Variants in SMAD1 observed in about 807,000 individuals in gnomAD.
The protein encoded by SMAD1 is SMAD family member 1, also known as MAD, mothers against decapentaplegic homolog 1.
A neutral mutation model predicts 41.6 loss-of-function variants in SMAD1; 6 were observed. The ratio of observed to expected loss-of-function variants is 0.14; its 90% CI spans 0.08 to 0.28. SMAD1 has a LOEUF of 0.28. Among genes scored for constraint, SMAD1 ranks in the 10% least tolerant of loss-of-function variants. SMAD1 has a pLI of 1.00. For missense variants in SMAD1, 379 were observed against 582.6 expected, an observed-to-expected ratio of 0.65 and a Z score of 3.60; for synonymous variants, 206 against 203.2, an observed-to-expected ratio of 1.01 and a Z score of -0.12.
chr4:145,517,668 T>A (rs1315778007), intron 2 of SMAD1, among the ~76,000 whole-genome samples: 4 of 128,982 alleles, frequency 3.1e-5, no homozygotes, highest in Admixed American at 7.3e-5. Flanking sequence ...GCCATTTTTT[T>A]AGTGCTGAAT....
intron 3 of SMAD1, among the ~76,000 whole-genome samples, chr4:145,541,272 G>A (rs930448204): frequency 3.3e-5 from 5 of 152,218 alleles, no homozygotes; most frequent in Non-Finnish European, 5.9e-5. Context: ...TAAGGCAAAG[G>A]CCAAGTAATG....
At chr4:145,555,808 TATC>T (rs1367550754) in intron 6 of SMAD1, among the ~76,000 whole-genome samples, 5 of 152,184 alleles carry the variant, frequency 3.3e-5, no homozygotes, top group Non-Finnish European at 4.4e-5. Context: ...TAAAGTCTCT[TATC>T]ATCAAGATCC....
At chr4:145,491,222 C>G (rs1014327321) in intron 1 of SMAD1, among the ~76,000 whole-genome samples, 8 of 152,188 alleles carry the variant, frequency 5.3e-5, no homozygotes, top group South Asian at 2.1e-4. Flanking sequence ...GGAAGCACCA[C>G]CCCAATAGAA....
At chr4:145,532,953 C>T (rs1269369965) in intron 2 of SMAD1, among the ~76,000 whole-genome samples, 2 of 152,206 alleles carry the variant, frequency 1.3e-5, no homozygotes, top group Non-Finnish European at 2.9e-5. Flanking sequence ...TTTCTTCTTT[C>T]CTTTTTGCCT....
intron 2 of SMAD1, among the ~76,000 whole-genome samples, chr4:145,531,517 A>T (rs575881853): frequency 1.3e-5 from 2 of 152,220 alleles, no homozygotes; most frequent in African/African-American, 4.8e-5. Context: ...TTCAACTTAG[A>T]TGCCATCTGG....
chr4:145,524,039 A>G (rs1016136788), intron 2 of SMAD1, among the ~76,000 whole-genome samples: 1 of 152,196 alleles, frequency 6.6e-6, no homozygotes, highest in Non-Finnish European at 1.5e-5. Context: ...TTCTGGGATT[A>G]CAGGCATGAG....
Position 145,553,959 on chromosome 4 carries a change from A to G in SMAD1, c.1173A>G (p.Leu391=). Residue 391 remains leucine (L), a synonymous_variant, in exon 6 of 7, where the codon TTA becomes TTG. Transcript: ENST00000302085. ...TTAACAACCAAGAATTTGCTCAGTT[A>G]TTGGCACAGTCTGTGAACCATGGAT... ...KIFNNQEFAQ[L]LAQSVNHGFE... 2 of 1,613,960 alleles carry G rather than the reference A, an allele frequency of 1.2e-6. No homozygotes were observed. Among genetic ancestry groups the G allele is most frequent in the Middle Eastern group, 1.6e-4 (1 of 6,062 alleles).
intron 2 of SMAD1, among the ~76,000 whole-genome samples, chr4:145,536,044 A>G (rs1731594980): frequency 6.6e-6 from 1 of 152,018 alleles, no homozygotes; most frequent in Non-Finnish European, 1.5e-5. Flanking sequence ...GGTTTATTTT[A>G]TAATTTCTGA....
chr4:145,512,031 T>C (rs922897753), intron 1 of SMAD1, among the ~76,000 whole-genome samples: 2 of 152,234 alleles, frequency 1.3e-5, no homozygotes, highest in East Asian at 3.8e-4. Flanking sequence ...TTCCTCTAAA[T>C]GTAGAATTTT....
chr4:145,491,384 T>C (rs1439355234), intron 1 of SMAD1, among the ~76,000 whole-genome samples: 2 of 152,128 alleles, frequency 1.3e-5, no homozygotes, highest in East Asian at 3.9e-4. Flanking sequence ...TGAGCTATGA[T>C]TGTGTCACTG....
chr4:145,521,974 G>C (rs371783781), intron 2 of SMAD1, among the ~76,000 whole-genome samples: 52 of 150,868 alleles, frequency 3.4e-4, no homozygotes, highest in African/African-American at 1.2e-3. Context: ...TTGTCACACA[G>C]AATATTAAAA....
chr4:145,553,544 G>C (rs994292037), intron 5 of SMAD1, among the ~76,000 whole-genome samples: 14 of 152,118 alleles, frequency 9.2e-5, no homozygotes, highest in African/African-American at 3.1e-4. Context: ...TGGAGCTCAG[G>C]CTGTAATGCT....
chr4:145,539,497 TAAGA>T (rs1560756048), intron 2 of SMAD1, among the ~76,000 whole-genome samples: 1 of 152,206 alleles, frequency 6.6e-6, no homozygotes, highest in Non-Finnish European at 1.5e-5. Context: ...ATGAAAAAAT[TAAGA>T]ATGAGGGAAC....
intron 1 of SMAD1, chr4:145,497,287 G>A (rs1177832464): frequency 6.6e-6 from 1 of 152,186 alleles, no homozygotes; most frequent in African/African-American, 2.4e-5. Flanking sequence ...GTAACACCGA[G>A]CTCAGGATGC....
At chr4:145,517,255 C>T (rs1446483151) in intron 2 of SMAD1, 2 of 152,268 alleles carry the variant, frequency 1.3e-5, no homozygotes, top group South Asian at 2.1e-4. Flanking sequence ...ATTCCATGCA[C>T]GTTTCCTCTA....
At chr4:145,507,876 C>T (rs1194718624) in intron 1 of SMAD1, among the ~76,000 whole-genome samples, 2 of 151,934 alleles carry the variant, frequency 1.3e-5, no homozygotes, top group Non-Finnish European at 2.9e-5. Context: ...CATTTGAGTT[C>T]CTTATATGAG....
intron 1 of SMAD1, among the ~76,000 whole-genome samples, chr4:145,503,158 G>A (rs1042970346): frequency 2.0e-5 from 3 of 152,158 alleles, no homozygotes; most frequent in Non-Finnish European, 1.5e-5. Flanking sequence ...TGCATCATCA[G>A]TCCCATGTTT....
chr4:145,558,040 T>C lies in SMAD1; in HGVS notation c.*106T>C. 1 of 732,316 alleles carries C rather than the reference T, an allele frequency of 1.4e-6. No homozygotes were observed. Among genetic ancestry groups the C allele is most frequent in the South Asian group, 4.4e-5 (1 of 22,802 alleles). The allele number at this position is 732,316 out of a possible 1,614,324, so 45.4% of individuals were successfully genotyped here. A position where few individuals can be genotyped will look rare whatever the true frequency, so the allele number is the denominator to read the frequency against. ...ACTGACAAAGGAGCCTTGATAATACTTGACCTCTGTGACCAACTGTTGGAT... is the reference window on the plus strand; with the variant it reads ...ACTGACAAAGGAGCCTTGATAATACCTGACCTCTGTGACCAACTGTTGGAT... On this transcript the variant is annotated 3_prime_UTR_variant, in exon 7 of 7. Coordinates refer to ENST00000302085, the MANE Select transcript of SMAD1 (RefSeq NM_005900.3).
chr4:145,484,211 AGT>A (rs1167560157), intron 1 of SMAD1, among the ~76,000 whole-genome samples: 1 of 152,208 alleles, frequency 6.6e-6, no homozygotes, highest in Non-Finnish European at 1.5e-5. Context: ...ATCAAGGCCA[AGT>A]GTGTGTGTAT....
Sources: gnomAD v4.1 joint callset for allele counts (sites outside exome capture counted in the v4.1 genomes callset) on GRCh38, gnomAD v4.1.1 for gene constraint, MANE v1.5 for transcripts, NCBI Gene and HGNC (gene_info 2026-07-23, HGNC 2026-07-21) for gene names.